The following ETV1 variants were observed in gnomAD, a reference collection of about 807,000 sequenced individuals.
ETV1 encodes ETS variant transcription factor 1, also known as ETS translocation variant 1.
In ETV1, 27 loss-of-function variants were observed where a neutral mutation model predicts 62.3. The ratio of observed to expected loss-of-function variants is 0.43; its 90% CI spans 0.32 to 0.60. ETV1 has a LOEUF of 0.60. ETV1 is among the 20% of genes least tolerant of loss of function. The pLI is 0.06. For synonymous variants in ETV1, 222 were observed against 199.6 expected, an observed-to-expected ratio of 1.11 and a Z score of -0.94; for missense variants, 605 against 605.8, an observed-to-expected ratio of 1.00 and a Z score of 0.01.
intron 6 of ETV1, among the ~76,000 whole-genome samples, chr7:13,969,655 T>G (rs1394801188): frequency 6.6e-6 from 1 of 152,146 alleles, no homozygotes; most frequent in Non-Finnish European, 1.5e-5. Flanking sequence ...GAAGCTGCAT[T>G]TGCACAAGCT....
intron 5 of ETV1, chr7:13,985,365 A>G: frequency 6.6e-6 from 1 of 152,188 alleles, no homozygotes; most frequent in Non-Finnish European, 1.5e-5. Flanking sequence ...CTTCATTAAC[A>G]TATAAATACA....
At chr7:13,958,209 C>T (rs955658747) in intron 6 of ETV1, among the ~76,000 whole-genome samples, 1 of 152,126 alleles carries the variant, frequency 6.6e-6, no homozygotes, top group Non-Finnish European at 1.5e-5. Flanking sequence ...ACATTATACC[C>T]TTTGCTTTTT....
intron 6 of ETV1, among the ~76,000 whole-genome samples, chr7:13,952,688 C>G (rs1364071548): frequency 6.6e-6 from 1 of 151,908 alleles, no homozygotes. Flanking sequence ...TTCAGTGGGA[C>G]AGGGACCTCC....
intron 9 of ETV1, among the ~76,000 whole-genome samples, chr7:13,920,516 G>A (rs994587704): frequency 6.6e-6 from 1 of 151,814 alleles, no homozygotes; most frequent in African/African-American, 2.4e-5. Flanking sequence ...GCTCTATAGC[G>A]TCCATTCATG....
intron 9 of ETV1, among the ~76,000 whole-genome samples, chr7:13,923,995 A>T (rs1438321953): frequency 1.3e-5 from 2 of 152,090 alleles, no homozygotes; most frequent in African/African-American, 4.8e-5. Context: ...AGATCGTGCC[A>T]TTGTACTCCA....
At chr7:13,959,700 A>G (rs191590003) in intron 6 of ETV1, among the ~76,000 whole-genome samples, 1 of 152,052 alleles carries the variant, frequency 6.6e-6, no homozygotes, top group African/African-American at 2.4e-5. Flanking sequence ...CCTGGCCTGC[A>G]TCGTGAAACC....
chr7:13,952,532 GTAAGTACTATATT>G (rs1271861665), intron 6 of ETV1, among the ~76,000 whole-genome samples: 1 of 152,166 alleles, frequency 6.6e-6, no homozygotes, highest in Non-Finnish European at 1.5e-5. Context: ...AAAATTGGGT[GTAAGTACTATATT>G]TAAGAAGGGA....
intron 8 of ETV1, 113 bp downstream of exon 8, chr7:13,935,595 T>C (rs556295979): frequency 2.4e-6 from 2 of 838,620 alleles, no homozygotes; most frequent in Non-Finnish European, 3.8e-6. Context: ...TGCACAGATG[T>C]GCAAAATTAA....
chr7:13,902,934 T>C (rs1380117949), intron 12 of ETV1, among the ~76,000 whole-genome samples: 1 of 152,216 alleles, frequency 6.6e-6, no homozygotes, highest in Admixed American at 6.5e-5. Context: ...GTTGTTTTAG[T>C]GTCATATTCC....
chr7:13,913,977 C>T (rs751439517), intron 9 of ETV1, among the ~76,000 whole-genome samples: 3 of 150,212 alleles, frequency 2.0e-5, no homozygotes, highest in African/African-American at 4.9e-5. Context: ...CTCCGCCTCC[C>T]GGCTCAGGCC....
intron 5 of ETV1, among the ~76,000 whole-genome samples, chr7:13,981,532 CATAT>C (rs536635563): frequency 1.0e-4 from 6 of 59,060 alleles, no homozygotes; most frequent in Non-Finnish European, 2.2e-4. Context: ...TACATACATA[CATAT>C]ATATATATAC....
intron 12 of ETV1, among the ~76,000 whole-genome samples, chr7:13,901,354 A>C (rs541163568): frequency 6.6e-6 from 1 of 152,194 alleles, no homozygotes; most frequent in Non-Finnish European, 1.5e-5. Context: ...AAACACCACA[A>C]TAGAATTATT....
chr7:13,942,115 C>G (rs186964828), intron 6 of ETV1, among the ~76,000 whole-genome samples: 1 of 150,490 alleles, frequency 6.6e-6, no homozygotes, highest in Admixed American at 6.6e-5. Flanking sequence ...GCTCCACCTC[C>G]CGGGTTCACG....
At chr7:13,906,361 A>T in intron 12 of ETV1, 69 bp downstream of exon 12, 1 of 1,052,526 alleles carries the variant, frequency 9.5e-7, no homozygotes, top group Non-Finnish European at 1.3e-6. Flanking sequence ...TTGGTATATT[A>T]ATCAAATGTG....
chr7:13,952,414 C>G (rs1433067026), intron 6 of ETV1, among the ~76,000 whole-genome samples: 1 of 152,100 alleles, frequency 6.6e-6, no homozygotes, highest in Admixed American at 6.5e-5. Context: ...AATAAGGGCA[C>G]ACACAGAGCT....
At chr7:13,934,106 C>A (rs770696721) in intron 8 of ETV1, among the ~76,000 whole-genome samples, 4 of 152,162 alleles carry the variant, frequency 2.6e-5, no homozygotes, top group Non-Finnish European at 5.9e-5. Context: ...CAGCTCTGCA[C>A]AATGTCCATC....
upstream of ETV1, chr7:13,989,703 C>T: frequency 2.5e-6 from 1 of 398,196 alleles, no homozygotes; most frequent in Non-Finnish European, 4.4e-6. Flanking sequence ...CTCTACTTCT[C>T]CTCCAGGGGC....
In ETV1 at chr7:13,894,426, G is replaced by T. The variant is rs565871195; in HGVS notation, c.*1440C>A. Reference sequence around the variant, plus strand: ...AAACAATCCAATCACATTTACAGAAGTGTCCAAAAAGAGATGATGGATAAT... The same window carrying T: ...AAACAATCCAATCACATTTACAGAATTGTCCAAAAAGAGATGATGGATAAT... On this transcript the variant is annotated 3_prime_UTR_variant, in exon 14 of 14. Transcript: ENST00000430479. 2.2e-5 allele frequency: 5 copies of T among 232,308 alleles called. No individual in the cohort carries two copies. The highest frequency in any genetic ancestry group is 3.4e-5 in the Non-Finnish European group (4 of 117,358). The allele number at this position is 232,308 out of a possible 1,614,324, so 14.4% of individuals were successfully genotyped here. A position where few individuals can be genotyped will look rare whatever the true frequency, so the allele number is the denominator to read the frequency against.
rs1422421988 is a variant in ETV1 at position 13,916,262 on chromosome 7, TTGAG to T, written c.803-4959_803-4956del. On this transcript the variant is annotated intron_variant, in intron 9 of 13. Coordinates refer to ENST00000430479, the MANE Select transcript of ETV1 (RefSeq NM_004956.5). ...TCGGATGTACTGAATCTACTATTGA[TTGAG>T]TATGGGGGAGAAATATGTTAATTTT... is the stretch of plus-strand genomic sequence containing the variant. Among the ~76,000 whole-genome samples the T allele has an allele frequency of 3.3e-5, 5 of 152,236 alleles. No individual in the cohort carries two copies. In the East Asian group the frequency reaches 7.7e-4, roughly 24 times the overall value.
Sources: allele counts gnomAD v4.1 joint callset (sites outside exome capture counted in the v4.1 genomes callset), GRCh38; gene constraint gnomAD v4.1.1; transcripts MANE v1.5; gene names NCBI Gene and HGNC (gene_info 2026-07-23, HGNC 2026-07-21).